Variants in CAMK1D observed in about 807,000 individuals in gnomAD.
CAMK1D encodes calcium/calmodulin dependent protein kinase ID, also known as calcium/calmodulin-dependent protein kinase type 1D.
In CAMK1D, 9 loss-of-function variants were observed where a neutral mutation model predicts 47.7. The observed-to-expected ratio is 0.19, with a 90% CI of 0.11 to 0.33. The LOEUF (loss-of-function observed/expected upper bound fraction) is 0.33. Among genes scored for constraint, CAMK1D ranks in the 10% least tolerant of loss-of-function variants. CAMK1D has a pLI of 1.00. For missense variants in CAMK1D, 291 were observed against 488.7 expected, an observed-to-expected ratio of 0.60 and a Z score of 3.81; for synonymous variants, 184 against 184.9, an observed-to-expected ratio of 0.99 and a Z score of 0.04.
intron 1 of CAMK1D, among the ~76,000 whole-genome samples, chr10:12,396,205 C>G (rs1440506088): frequency 1.3e-5 from 2 of 152,086 alleles, no homozygotes; most frequent in South Asian, 2.1e-4. Context: ...TTCAGTAGCC[C>G]CCGGTCCAGG....
At chr10:12,371,095 T>C (rs921387678) in intron 1 of CAMK1D, among the ~76,000 whole-genome samples, 1 of 151,910 alleles carries the variant, frequency 6.6e-6, no homozygotes, top group Non-Finnish European at 1.5e-5. Flanking sequence ...GGAAGAAAAA[T>C]TAAAACAATA....
intron 1 of CAMK1D, among the ~76,000 whole-genome samples, chr10:12,467,213 C>T (rs536791999): frequency 4.6e-5 from 7 of 151,776 alleles, no homozygotes; most frequent in South Asian, 4.2e-4. Flanking sequence ...AGTGCAGTGG[C>T]GCGATCTCAG....
At position 12,694,347 on chromosome 10, in the gene CAMK1D, C is replaced by A. The variant is rs1343940135; in HGVS notation, c.299+27537C>A. ...TATATAAAGTATATATAATATATAA[C>A]ATATATATGTTATATGTTATATATA... is the stretch of plus-strand genomic sequence containing the variant. On this transcript the variant is annotated intron_variant, in intron 3 of 10. Coordinates refer to ENST00000619168, the MANE Select transcript of CAMK1D (RefSeq NM_153498.4). Among the ~76,000 whole-genome samples the A allele has an allele frequency of 8.5e-3, 443 of 52,036 alleles. 32 individuals are homozygous for A. The highest frequency in any genetic ancestry group is 0.015 in the South Asian group (21 of 1,388). 34.1% of individuals were successfully genotyped at this position (52,036 alleles called of 152,430 possible).
At chr10:12,546,208 C>T (rs570186804) in intron 1 of CAMK1D, among the ~76,000 whole-genome samples, 27 of 152,094 alleles carry the variant, frequency 1.8e-4, no homozygotes, top group African/African-American at 5.8e-4. Context: ...GCAGTGGGCT[C>T]GCTGGGGGCT....
intron 1 of CAMK1D, among the ~76,000 whole-genome samples, chr10:12,516,829 C>T (rs773809360): frequency 6.6e-6 from 1 of 152,196 alleles, no homozygotes; most frequent in Admixed American, 6.5e-5. Flanking sequence ...TGTTTAAAAA[C>T]CACGTTGTTT....
chr10:12,707,055 A>G (rs1475752572), intron 3 of CAMK1D, among the ~76,000 whole-genome samples: 2 of 152,230 alleles, frequency 1.3e-5, no homozygotes, highest in African/African-American at 2.4e-5. Flanking sequence ...TAACAGGCAC[A>G]TAAAAGAGTT....
intron 2 of CAMK1D, among the ~76,000 whole-genome samples, chr10:12,557,759 T>G (rs1836812256): frequency 6.6e-6 from 1 of 152,130 alleles, no homozygotes; most frequent in Non-Finnish European, 1.5e-5. Flanking sequence ...CACGCTATTT[T>G]CCATGGAAGT....
chr10:12,532,694 G>T (rs978042477), intron 1 of CAMK1D, among the ~76,000 whole-genome samples: 1 of 152,284 alleles, frequency 6.6e-6, no homozygotes, highest in African/African-American at 2.4e-5. Flanking sequence ...AGTAACTTAA[G>T]TGTCTATCAG....
intron 2 of CAMK1D, among the ~76,000 whole-genome samples, chr10:12,629,011 A>G (rs1036989882): frequency 5.3e-5 from 8 of 152,178 alleles, no homozygotes; most frequent in Non-Finnish European, 1.2e-4. Flanking sequence ...CTGTTCACCT[A>G]CTGGGGGACT....
chr10:12,505,822 G>T lies in CAMK1D; in HGVS notation c.93-47403G>T, dbSNP rs12571324. Among the ~76,000 whole-genome samples the T allele has an allele frequency of 7.7e-3, 1,110 of 144,124 alleles. 24 individuals are homozygous for T. Among genetic ancestry groups the T allele is most frequent in the East Asian group, 0.044 (229 of 5,154 alleles). 94.6% of individuals were successfully genotyped at this position (144,124 alleles called of 152,430 possible). On this transcript the variant is annotated intron_variant, in intron 1 of 10. Transcript: ENST00000619168. Reference sequence around the variant, plus strand: ...GATGCTAAAGAAGCCAAGGAGGGCTGATTTAATAAACCAATGATTTTCAGA... The same window carrying T: ...GATGCTAAAGAAGCCAAGGAGGGCTTATTTAATAAACCAATGATTTTCAGA...
intron 2 of CAMK1D, among the ~76,000 whole-genome samples, chr10:12,661,539 T>TA (rs1182857635): frequency 6.6e-6 from 1 of 152,218 alleles, no homozygotes; most frequent in Non-Finnish European, 1.5e-5. Context: ...TAAAAATACT[T>TA]AGTGCAGTCT....
intron 1 of CAMK1D, among the ~76,000 whole-genome samples, chr10:12,504,108 G>GTGT (rs1834792129): frequency 6.8e-6 from 1 of 147,640 alleles, no homozygotes; most frequent in Non-Finnish European, 1.5e-5. Context: ...CAATAAGATG[G>GTGT]GTGTGTGTGT....
At chr10:12,699,462 G>A (rs550082901) in intron 3 of CAMK1D, among the ~76,000 whole-genome samples, 5 of 152,170 alleles carry the variant, frequency 3.3e-5, no homozygotes, top group Admixed American at 6.5e-5. Flanking sequence ...GAAAATTTCC[G>A]TTGAGATCTC....
intron 3 of CAMK1D, among the ~76,000 whole-genome samples, chr10:12,697,316 T>G (rs889095402): frequency 4.6e-5 from 7 of 152,216 alleles, no homozygotes; most frequent in African/African-American, 1.7e-4. Context: ...GTTACTTCAT[T>G]GCTAAACGTA....
chr10:12,388,463 G>A (rs1838601890), intron 1 of CAMK1D, among the ~76,000 whole-genome samples: 1 of 152,128 alleles, frequency 6.6e-6, no homozygotes, highest in Non-Finnish European at 1.5e-5. Context: ...TAGAGCAGAG[G>A]CAAAAACTGG....
At chr10:12,785,355 C>T (rs111349793) in intron 5 of CAMK1D, among the ~76,000 whole-genome samples, 3,486 of 152,244 alleles carry the variant, frequency 0.023, 153 homozygotes, top group African/African-American at 0.08. Context: ...TTTCAGTGAC[C>T]GCCTGTCTTT....
chr10:12,504,710 G>A (rs555222436), intron 1 of CAMK1D, among the ~76,000 whole-genome samples: 17 of 152,304 alleles, frequency 1.1e-4, no homozygotes, highest in African/African-American at 3.8e-4. Flanking sequence ...CCCTGGGAAC[G>A]TGTCCTGTCA....
intron 2 of CAMK1D, among the ~76,000 whole-genome samples, chr10:12,604,893 CTT>C (rs35403180): frequency 1.4e-5 from 2 of 144,804 alleles, no homozygotes; most frequent in Non-Finnish European, 1.5e-5. Flanking sequence ...CCTTTTTTTT[CTT>C]TTTTTTTTTT....
chr10:12,744,210 T>C (rs75372408), intron 3 of CAMK1D, among the ~76,000 whole-genome samples: 1 of 152,322 alleles, frequency 6.6e-6, no homozygotes, highest in East Asian at 1.9e-4. Flanking sequence ...TATGTAAATA[T>C]ATTTTGTTTT....
Sources: allele counts gnomAD v4.1 joint callset (sites outside exome capture counted in the v4.1 genomes callset), GRCh38; gene constraint gnomAD v4.1.1; transcripts MANE v1.5; gene names NCBI Gene and HGNC (gene_info 2026-07-23, HGNC 2026-07-21).